CDC6: variants seen among roughly 807,000 people sequenced by gnomAD.
The protein encoded by CDC6 is cell division cycle 6.
CDC6 carries 46 observed loss-of-function variants against 60.2 expected under a neutral mutation model. The observed-to-expected ratio is 0.76, with a 90% CI of 0.60 to 0.98. The LOEUF (loss-of-function observed/expected upper bound fraction) is 0.98, where lower values mean the gene tolerates loss of function less well. CDC6 is among the 50% of genes least tolerant of loss of function. The pLI, the probability that CDC6 is intolerant of heterozygous loss-of-function variation, is 0.00. For synonymous variants in CDC6, 210 were observed against 233.2 expected (o/e 0.90, Z 0.90); for missense variants, 596 against 652.9 (o/e 0.91, Z 0.95).
chr17:40,295,336 C>A lies in CDC6; in HGVS notation c.1084-20C>A, dbSNP rs750573333. ...AGAATCTTATGGTTCAAACTGTCAT[C>A]TTCTATGTCTTGTCTGAAGGTATCT... On this transcript the variant is annotated intron_variant, in intron 7 of 11. Transcript: ENST00000209728. The A allele has an allele frequency of 1.3e-5, 20 of 1,495,440 alleles. No individual in the cohort carries two copies. Among genetic ancestry groups the A allele is most frequent in the Non-Finnish European group, 1.9e-5 (20 of 1,071,690 alleles). The allele number at this position is 1,495,440 out of a possible 1,614,324, so 92.6% of individuals were successfully genotyped here.
At chr17:40,289,152 C>T (rs2032710900) in intron 1 of CDC6, 1 of 417,496 alleles carries the variant, frequency 2.4e-6, no homozygotes, top group African/African-American at 2.0e-5. Context: ...AATAATAGTA[C>T]CTACTCCTAA....
chr17:40,295,131 T>A (rs1251034295), intron 7 of CDC6, among the ~76,000 whole-genome samples: 1 of 152,232 alleles, frequency 6.6e-6, no homozygotes, highest in Non-Finnish European at 1.5e-5. Flanking sequence ...CAGTTCTGAT[T>A]GCTTTTTTCC....
chr17:40,290,757 G>A (rs1181596490), intron 2 of CDC6, among the ~76,000 whole-genome samples: 6 of 152,114 alleles, frequency 3.9e-5, no homozygotes, highest in Non-Finnish European at 7.3e-5. Flanking sequence ...AGGATGGTGC[G>A]GGATTTCATC....
intron 9 of CDC6, among the ~76,000 whole-genome samples, chr17:40,297,216 C>T (rs575569455): frequency 3.9e-5 from 6 of 152,230 alleles, no homozygotes; most frequent in South Asian, 2.1e-4. Context: ...GCGGGAGGAT[C>T]GCTTGAGCCC....
chr17:40,291,792 CTGT>C, intron 4 of CDC6, 124 bp downstream of exon 4: 1 of 1,008,532 alleles, frequency 9.9e-7, no homozygotes. Context: ...GTCGCCTAGG[CTGT>C]AGTGCAGTGG....
chr17:40,290,961 T>C, intron 2 of CDC6, 97 bp from the exon 3 acceptor site: 2 of 1,277,680 alleles, frequency 1.6e-6, no homozygotes, highest in East Asian at 4.6e-5. Context: ...CTGACTAAGG[T>C]AGAAATTCAC....
At position 40,302,368 on chromosome 17, in the gene CDC6, GT is replaced by G. The variant is rs1043320424; in HGVS notation, c.*372del. On this transcript the variant is annotated 3_prime_UTR_variant, in exon 12 of 12. Coordinates refer to ENST00000209728, the MANE Select transcript of CDC6 (RefSeq NM_001254.4). ...TTTGTTTGTTTTTTTTGTTGTTGTT[GT>G]TTTTGAGGCGCGTCTCACCCTGTTG... The G allele has an allele frequency of 3.4e-5, 9 of 261,592 alleles. No homozygotes were observed. Among genetic ancestry groups the G allele is most frequent in the African/African-American group, 1.6e-4 (7 of 43,496 alleles). The allele number at this position is 261,592 out of a possible 1,614,324, so 16.2% of individuals were successfully genotyped here. A position where few individuals can be genotyped will look rare whatever the true frequency, so the allele number is the denominator to read the frequency against.
intron 9 of CDC6, among the ~76,000 whole-genome samples, chr17:40,299,999 T>C (rs1256723062): frequency 6.6e-6 from 1 of 152,006 alleles, no homozygotes; most frequent in Non-Finnish European, 1.5e-5. Flanking sequence ...GTTTCACTCT[T>C]GTCGTCCAGG....
At position 40,294,356 on chromosome 17, in the gene CDC6, C is replaced by T; in HGVS notation, c.944-8C>T. On this transcript the variant is annotated splice_polypyrimidine_tract_variant and splice_region_variant and intron_variant, in intron 6 of 11. Transcript: ENST00000209728. The stretch of plus-strand genomic sequence containing the variant: ...ACCAATGATCAATGTTGTTGATCTC[C>T]TCCTTAGGTATTGCTAATACCCTGG... 6.3e-7 allele frequency: 1 copy of T among 1,595,464 alleles called. No individual in the cohort carries two copies.
chr17:40,296,581 A>C (rs2032863126), intron 8 of CDC6, 122 bp from the exon 9 acceptor site: 1 of 697,174 alleles, frequency 1.4e-6, no homozygotes, highest in African/African-American at 1.8e-5. Flanking sequence ...GTTAGCCTAC[A>C]TGACCATTGT....
intron 5 of CDC6, 147 bp from the exon 6 acceptor site, chr17:40,293,803 G>A (rs761447510): frequency 1.1e-6 from 1 of 875,866 alleles, no homozygotes. Context: ...ATGATGTGGG[G>A]TATCCTTGTA....
At chr17:40,298,188 A>T (rs767452390) in intron 9 of CDC6, among the ~76,000 whole-genome samples, 13 of 152,192 alleles carry the variant, frequency 8.5e-5, no homozygotes, top group Non-Finnish European at 1.5e-4. Flanking sequence ...GGCAATATAT[A>T]CCAATGTATA....
In CDC6 at chr17:40,301,971, T is replaced by C; in HGVS notation, c.1653T>C (p.Ile551=). The C allele has an allele frequency of 6.3e-7, 1 of 1,594,502 alleles. No individual in the cohort carries two copies. ...IEHALKDKAL[I]GNILATGLP is the part of the protein sequence containing the mutation. ...ATGCTCTGAAAGATAAAGCTTTAAT[T>C]GGAAATATCTTAGCTACTGGATTGC... is the stretch of plus-strand genomic sequence containing the variant. The change falls in exon 12 of 12, where the codon ATT becomes ATC. Residue 551 remains isoleucine, a synonymous_variant. Transcript: ENST00000209728.
At chr17:40,291,398 A>C (rs1198990757) in intron 3 of CDC6, 59 bp downstream of exon 3, 1 of 1,612,074 alleles carries the variant, frequency 6.2e-7, no homozygotes, top group Non-Finnish European at 8.5e-7. Flanking sequence ...GATGACTCCA[A>C]ATGAAACCAC....
chr17:40,289,371 A>G (rs761899079), intron 1 of CDC6, 37 bp from the exon 2 acceptor site: 23 of 1,484,032 alleles, frequency 1.5e-5, no homozygotes, highest in Admixed American at 1.2e-4. Flanking sequence ...TCACTTTCAC[A>G]TATTGACTAG....
Position 40,288,808 on chromosome 17 carries a change from C to T in CDC6, c.-13-600C>T, listed in dbSNP as rs558005235. ...ACCGTGTTAGCCAGGATGGTCTCGG[C>T]CCGTCTCGGCCTCCCAAAGTGTTGG... On this transcript the variant is annotated intron_variant, in intron 1 of 11. Transcript: ENST00000209728. Among the ~76,000 whole-genome samples the T allele has an allele frequency of 1.1e-4, 16 of 152,280 alleles. No individual in the cohort carries two copies. In the South Asian group the frequency reaches 3.3e-3, roughly 32 times the overall value.
At position 40,291,469 on chromosome 17, in the gene CDC6, G is replaced by GCACT; in HGVS notation, c.462_465dup (p.Cys156HisfsTer73). 1 of 1,614,080 alleles carries GCACT rather than the reference G, an allele frequency of 6.2e-7. No homozygotes were observed. On this transcript the variant is annotated frameshift_variant and splice_region_variant, in exon 4 of 12. Coordinates refer to ENST00000209728, the MANE Select transcript of CDC6 (RefSeq NM_001254.4). LOFTEE classifies it high-confidence loss of function. Reference sequence around the variant, plus strand: ...AATTGACCTTTTATGTCTGGCACAGGCACTTGCTACCAGCAAGCAAAGCTG... The same window carrying GCACT: ...AATTGACCTTTTATGTCTGGCACAGGCACTCACTTGCTACCAGCAAGCAAAGCTG...
In CDC6 at chr17:40,301,602, G is replaced by T; in HGVS notation, c.1587G>T (p.Leu529Phe). 1 of 1,614,078 alleles carries T rather than the reference G, an allele frequency of 6.2e-7. No individual in the cohort carries two copies. Among genetic ancestry groups the T allele is most frequent in the South Asian group, 1.1e-5 (1 of 91,046 alleles). The change falls in exon 11 of 12, where the codon TTG (leucine) becomes TTT (phenylalanine). Residue 529 changes from leucine (L) to phenylalanine (F), a missense_variant. Transcript: ENST00000209728. Reference protein sequence around the residue: ...LGLKRNKETRLTKVFFKIEEK... With the variant: ...LGLKRNKETRFTKVFFKIEEK... The stretch of plus-strand genomic sequence containing the variant: ...TAAAGAGAAACAAGGAAACCCGTTT[G>T]ACAAAGGTACAACTGCTTTTTTGTG...
At position 40,291,058 on chromosome 17, in the gene CDC6, GCGATGA is replaced by G; in HGVS notation, c.181_186del (p.Asp61_Asp62del). 1 of 1,613,914 alleles carries G rather than the reference GCGATGA, an allele frequency of 6.2e-7. No individual in the cohort carries two copies. Among genetic ancestry groups the G allele is most frequent in the Non-Finnish European group, 8.5e-7 (1 of 1,179,942 alleles). ...ACATTTTTATTTTATTGTGTTTCAG[GCGATGA>G]CAACCTATGCAACACTCCCCATTTA... is the stretch of plus-strand genomic sequence containing the variant. On this transcript the variant is annotated inframe_deletion and splice_region_variant, in exon 3 of 12. Transcript: ENST00000209728.
Sources: allele counts gnomAD v4.1 joint callset (sites outside exome capture counted in the v4.1 genomes callset), GRCh38; gene constraint gnomAD v4.1.1; transcripts MANE v1.5; gene names NCBI Gene and HGNC (gene_info 2026-07-23, HGNC 2026-07-21).